The following RTF2 variants were observed in gnomAD, a reference collection of about 807,000 sequenced individuals.
The protein encoded by RTF2 is UPF0549 protein C20orf43.
Under a neutral mutation model 38.0 loss-of-function variants are expected in RTF2, and 18 were observed. That is an observed-to-expected ratio of 0.47 (90% confidence interval 0.33 to 0.70). The LOEUF (loss-of-function observed/expected upper bound fraction) is 0.70. Among genes scored for constraint, RTF2 ranks in the 30% least tolerant of loss-of-function variants. RTF2 has a pLI of 0.02. For missense variants in RTF2, 311 were observed against 379.6 expected (o/e 0.82, Z 1.50); for synonymous variants, 126 against 137.1 (o/e 0.92, Z 0.57).
At chr20:56,506,034 C>T (rs759370895) in intron 5 of RTF2, among the ~76,000 whole-genome samples, 4 of 152,162 alleles carry the variant, frequency 2.6e-5, no homozygotes, top group Admixed American at 6.5e-5. Flanking sequence ...GGCACCGTCA[C>T]GTATGGGGAT....
intron 5 of RTF2, chr20:56,491,434 T>A: frequency 1.5e-6 from 1 of 685,836 alleles, no homozygotes; most frequent in Non-Finnish European, 2.5e-6. Context: ...GTCAATAGCA[T>A]GTTTCTGAAT....
chr20:56,489,728 TTG>T (rs1419726777), intron 5 of RTF2, among the ~76,000 whole-genome samples: 2 of 152,238 alleles, frequency 1.3e-5, no homozygotes, highest in Admixed American at 1.3e-4. Context: ...CGGGTTGACA[TTG>T]GAATGAAGTG....
intron 4 of RTF2, among the ~76,000 whole-genome samples, chr20:56,480,755 T>G (rs1982489117): frequency 6.6e-6 from 1 of 152,174 alleles, no homozygotes; most frequent in Non-Finnish European, 1.5e-5. Flanking sequence ...TAGGGAGAAC[T>G]GAGAAGGAGA....
intron 4 of RTF2, 22 bp downstream of exon 4, chr20:56,477,146 G>A: frequency 1.2e-6 from 2 of 1,611,012 alleles, no homozygotes; most frequent in Non-Finnish European, 1.7e-6. Flanking sequence ...ACCTGGGACA[G>A]ATGATGTGGG....
chr20:56,512,530 C>G (rs895942379), intron 5 of RTF2, among the ~76,000 whole-genome samples: 2 of 152,118 alleles, frequency 1.3e-5, no homozygotes, highest in African/African-American at 4.8e-5. Flanking sequence ...GTGGGCATGC[C>G]TTTGGTGTGT....
intron 5 of RTF2, chr20:56,491,649 T>C: frequency 6.4e-7 from 1 of 1,551,986 alleles, no homozygotes; most frequent in Non-Finnish European, 8.7e-7. Flanking sequence ...ACTTGAAGTC[T>C]GTGCCGCCGC....
intron 8 of RTF2, 45 bp from the exon 9 acceptor site, chr20:56,518,042 C>G (rs759981722): frequency 1.3e-6 from 2 of 1,557,450 alleles, no homozygotes; most frequent in Non-Finnish European, 1.7e-6. Flanking sequence ...AGTTTAGAAT[C>G]ATCTTTATCC....
chr20:56,505,359 G>A (rs1041656876), intron 5 of RTF2, among the ~76,000 whole-genome samples: 9 of 151,982 alleles, frequency 5.9e-5, no homozygotes, highest in African/African-American at 9.7e-5. Flanking sequence ...ATGGTGGTGC[G>A]CACCTGTAGT....
chr20:56,513,286 A>G (rs537754497), intron 5 of RTF2, 29 bp from the exon 6 acceptor site: 10 of 1,567,626 alleles, frequency 6.4e-6, no homozygotes, highest in East Asian at 4.7e-5. Context: ...TGGTGATGGA[A>G]TCTGCCCTCT....
intron 5 of RTF2, among the ~76,000 whole-genome samples, chr20:56,505,778 C>T (rs889874994): frequency 2.0e-5 from 3 of 152,078 alleles, no homozygotes; most frequent in African/African-American, 4.8e-5. Flanking sequence ...CTGAGCCACC[C>T]ATTTCTATTG....
At chr20:56,476,274 C>A (rs1568691996) in intron 3 of RTF2, among the ~76,000 whole-genome samples, 1 of 151,718 alleles carries the variant, frequency 6.6e-6, no homozygotes, top group Non-Finnish European at 1.5e-5. Context: ...TTGCTTTTTT[C>A]AACGATTAAA....
At chr20:56,487,192 A>C (rs1265347709) in intron 5 of RTF2, among the ~76,000 whole-genome samples, 1 of 152,244 alleles carries the variant, frequency 6.6e-6, no homozygotes, top group South Asian at 2.1e-4. Flanking sequence ...GATGACACGT[A>C]TGCAGTAAAA....
chr20:56,470,205 T>C (rs941942318), intron 1 of RTF2, among the ~76,000 whole-genome samples: 4 of 152,224 alleles, frequency 2.6e-5, no homozygotes, highest in South Asian at 2.1e-4. Flanking sequence ...ATAATTAGCA[T>C]TCATGAGTGG....
At chr20:56,500,761 A>T (rs1476048994) in intron 5 of RTF2, among the ~76,000 whole-genome samples, 1 of 152,212 alleles carries the variant, frequency 6.6e-6, no homozygotes, top group Non-Finnish European at 1.5e-5. Flanking sequence ...GGTCCCCAGC[A>T]GTTTAGTTTG....
At chr20:56,492,341 G>C (rs527641405) in intron 5 of RTF2, among the ~76,000 whole-genome samples, 17 of 150,698 alleles carry the variant, frequency 1.1e-4, no homozygotes. Context: ...GCCTCCCAAA[G>C]TGCTGGGATT....
chr20:56,508,183 C>T (rs560288864), intron 5 of RTF2, among the ~76,000 whole-genome samples: 3 of 152,088 alleles, frequency 2.0e-5, no homozygotes, highest in Non-Finnish European at 2.9e-5. Flanking sequence ...CTGTTGGAGA[C>T]AAGAACCACA....
At chr20:56,496,898 T>C (rs1568702198) in intron 5 of RTF2, 1 of 1,551,750 alleles carries the variant, frequency 6.4e-7, no homozygotes, top group Non-Finnish European at 8.7e-7. Context: ...TAATGTGCAA[T>C]GGTTGGATTA....
chr20:56,471,715 G>A (rs530852685), intron 1 of RTF2: 1 of 152,304 alleles, frequency 6.6e-6, no homozygotes, highest in South Asian at 2.1e-4. Context: ...AATTTTCAAA[G>A]CCCTGGATAA....
At chr20:56,517,980 A>G in intron 8 of RTF2, 107 bp from the exon 9 acceptor site, 9 of 1,130,740 alleles carry the variant, frequency 8.0e-6, no homozygotes, top group Non-Finnish European at 1.1e-5. Flanking sequence ...CACAGCCAGC[A>G]AGAGAACGTC....
Sources: allele counts gnomAD v4.1 joint callset (sites outside exome capture counted in the v4.1 genomes callset), GRCh38; gene constraint gnomAD v4.1.1; transcripts MANE v1.5; gene names NCBI Gene and HGNC (gene_info 2026-07-23, HGNC 2026-07-21).